COCH: variants seen among roughly 807,000 people sequenced by gnomAD.
The protein encoded by COCH is cochlin.
In COCH, 40 loss-of-function variants were observed where a neutral mutation model predicts 54.8. That is an observed-to-expected ratio of 0.73 (90% CI 0.57 to 0.95). The LOEUF is 0.95. Ranked by LOEUF, COCH falls within the 40% of genes least tolerant of loss-of-function variation. COCH has a pLI of 0.00. For missense variants in COCH, 605 were observed against 675.0 expected (o/e 0.90, Z 1.15); for synonymous variants, 256 against 237.9 (o/e 1.08, Z -0.70).
At chr14:30,875,224 A>C (rs1015905793) in intron 3 of COCH, 121 bp downstream of exon 3, 7 of 1,362,820 alleles carry the variant, frequency 5.1e-6, no homozygotes, top group Non-Finnish European at 7.0e-6. Flanking sequence ...GAAGGCGCGA[A>C]GGTTGAGCCG....
At chr14:30,875,443 C>A in intron 3 of COCH, 1 of 584,764 alleles carries the variant, frequency 1.7e-6, no homozygotes, top group Non-Finnish European at 3.0e-6. Flanking sequence ...CCTTGAGCCT[C>A]ACCGAGGAGC....
rs1363132884 is a variant in COCH at position 30,880,451 on chromosome 14, G to A, written c.437-1G>A. The A allele has an allele frequency of 6.2e-7, 1 of 1,613,790 alleles. No individual in the cohort carries two copies. Among genetic ancestry groups the A allele is most frequent in the South Asian group, 1.1e-5 (1 of 91,012 alleles). On this transcript the variant is annotated splice_acceptor_variant, in intron 6 of 11. Transcript: ENST00000396618. LOFTEE classifies it high-confidence loss of function. The stretch of plus-strand genomic sequence containing the variant: ...AATGCCAAGTGCATCTTTTATTTCA[G>A]GTAAACGACTAAAGAAAACACCCGA...
At chr14:30,878,508 T>G (rs968979490) in intron 4 of COCH, among the ~76,000 whole-genome samples, 1 of 151,970 alleles carries the variant, frequency 6.6e-6, no homozygotes, top group Non-Finnish European at 1.5e-5. Flanking sequence ...AATACAAAAA[T>G]TAGCCAGGTA....
intron 10 of COCH, 28 bp from the exon 11 acceptor site, chr14:30,885,768 G>T (rs758676960): frequency 1.2e-6 from 2 of 1,612,808 alleles, no homozygotes; most frequent in East Asian, 4.5e-5. Context: ...GATCCTTTTG[G>T]ATATCTTTTA....
At chr14:30,895,537 T>A (rs200580815), downstream of COCH, 3 of 1,614,102 alleles carry the variant, frequency 1.9e-6, no homozygotes, top group East Asian at 4.5e-5. Flanking sequence ...CTTGCACACA[T>A]GTCTTGCTGT....
intron 6 of COCH, 123 bp downstream of exon 6, chr14:30,879,608 C>T: frequency 2.1e-6 from 2 of 946,854 alleles, no homozygotes; most frequent in Non-Finnish European, 3.4e-6. Context: ...AAAGCAAATA[C>T]CTTAAGTTTA....
At position 30,886,183 on chromosome 14, in the gene COCH, A is replaced by G. The variant is rs139503327; in HGVS notation, c.1348A>G (p.Ile450Val). Residue 450 changes from isoleucine (I) to valine (V), a missense_variant, in exon 11 of 12, where the codon ATT (isoleucine) becomes GTT (valine). Coordinates refer to ENST00000396618, the MANE Select transcript of COCH (RefSeq NM_004086.3). ...MSGGTATGDA[I>V]SFTVRNVFGP... is the part of the protein sequence containing the mutation. ...TGGTGGAACAGCTACTGGTGATGCC[A>G]TTTCCTTCACTGTTAGAAATGTGTT... The G allele has an allele frequency of 7.5e-4, 1,204 of 1,610,614 alleles. 3 individuals are homozygous for G. The highest frequency in any genetic ancestry group is 3.3e-3 in the Middle Eastern group (20 of 6,046).
At position 30,875,541 on chromosome 14, in the gene COCH, G is replaced by A. The variant is rs1242916407; in HGVS notation, c.82+438G>A. 3 of 500,622 alleles carry A rather than the reference G, an allele frequency of 6.0e-6. No individual in the cohort carries two copies. In the East Asian group the frequency reaches 9.5e-5, roughly 16 times the overall value. The allele number at this position is 500,622 out of a possible 1,614,324, so 31.0% of individuals were successfully genotyped here. A position where few individuals can be genotyped will look rare whatever the true frequency, so the allele number is the denominator to read the frequency against. ...GGTTGCCGTAGCCGAGAGAGAGGGA[G>A]GCGAACGTCGCTGTCCCACCTTGTT... is the stretch of plus-strand genomic sequence containing the variant. On this transcript the variant is annotated intron_variant, in intron 3 of 11. Transcript: ENST00000396618.
rs764050128 is a variant in COCH at position 30,877,590 on chromosome 14, G to A, written c.101G>A (p.Cys34Tyr). 2 of 1,614,188 alleles carry A rather than the reference G, an allele frequency of 1.2e-6. No homozygotes were observed. The highest frequency in any genetic ancestry group is 1.7e-5 in the Admixed American group (1 of 60,020). Residue 34 changes from cysteine (C) to tyrosine (Y), a missense_variant, in exon 4 of 12, where the codon TGT becomes TAT. Cys to Tyr is a radical substitution (Grantham distance 194). Coordinates refer to ENST00000396618, the MANE Select transcript of COCH (RefSeq NM_004086.3). The surrounding 1 kb of genome is among the most constrained non-coding windows in gnomAD (Gnocchi z 8.6). ...SEGAAPIAIT[C>Y]FTRGLDIRKE... is the part of the protein sequence containing the mutation. ...TCTTCAGCTCCCATTGCTATCACATGTTTTACCAGAGGCTTGGACATCAGG... is the reference window on the plus strand; with the variant it reads ...TCTTCAGCTCCCATTGCTATCACATATTTTACCAGAGGCTTGGACATCAGG...
At chr14:30,883,625 C>G (rs1895686530) in intron 8 of COCH, among the ~76,000 whole-genome samples, 1 of 152,114 alleles carries the variant, frequency 6.6e-6, no homozygotes, top group Non-Finnish European at 1.5e-5. Flanking sequence ...ACTTCTCCCT[C>G]AAAAAATCTT....
chr14:30,890,638 T>C (rs1225161522), downstream of COCH: 1 of 929,590 alleles, frequency 1.1e-6, no homozygotes, highest in South Asian at 5.0e-5. Flanking sequence ...CTTTTATTAC[T>C]GCTAGTGTCT....
chr14:30,875,002 C>T (rs756268514), intron 2 of COCH, 30 bp downstream of exon 2: 11 of 1,613,004 alleles, frequency 6.8e-6, no homozygotes, highest in Admixed American at 3.3e-5. Flanking sequence ...GACCCCGGCC[C>T]CTTGCTCCGC....
At position 30,884,675 on chromosome 14, in the gene COCH, C is replaced by T; in HGVS notation, c.733+19C>T. On this transcript the variant is annotated intron_variant, in intron 9 of 11. Transcript: ENST00000396618. The stretch of plus-strand genomic sequence containing the variant: ...AATACAGGTAAGTAGACTTTGATAC[C>T]TGGGATGTAACATAGGAGAGGGTTA... The T allele has an allele frequency of 2.0e-6, 3 of 1,531,416 alleles. 1 individual carries two copies. The highest frequency in any genetic ancestry group is 2.2e-5 in the South Asian group (2 of 89,380). 94.9% of individuals were successfully genotyped at this position (1,531,416 alleles called of 1,614,324 possible). A position where few individuals can be genotyped will look rare whatever the true frequency, so the allele number is the denominator to read the frequency against.
chr14:30,876,967 TA>T (rs998339114), intron 3 of COCH, among the ~76,000 whole-genome samples: 7 of 151,930 alleles, frequency 4.6e-5, no homozygotes, highest in Admixed American at 1.3e-4. Flanking sequence ...TGTGGCCATT[TA>T]AAAAAAATTT....
In COCH at chr14:30,886,050, G is replaced by C; in HGVS notation, c.1215G>C (p.Lys405Asn). Reference protein sequence around the residue: ...KTFEISDIGAKIAAVQFTYDQ... With the variant: ...KTFEISDIGANIAAVQFTYDQ... ...TTGAAATCTCGGACATTGGTGCCAAGATAGCTGCTGTACAGTTTACTTATG... is the reference window on the plus strand; with the variant it reads ...TTGAAATCTCGGACATTGGTGCCAACATAGCTGCTGTACAGTTTACTTATG... Residue 405 changes from lysine to asparagine, a missense_variant, in exon 11 of 12, where the codon AAG becomes AAC. By Grantham distance (94) the Lys-to-Asn change is moderately conservative. Transcript: ENST00000396618. The C allele has an allele frequency of 6.2e-7, 1 of 1,614,250 alleles. No homozygotes were observed. The highest frequency in any genetic ancestry group is 8.5e-7 in the Non-Finnish European group (1 of 1,180,044).
At chr14:30,891,320 T>G (rs981558971), downstream of COCH, among the ~76,000 whole-genome samples, 12 of 152,124 alleles carry the variant, frequency 7.9e-5, no homozygotes, top group African/African-American at 2.9e-4. Flanking sequence ...TGTCTGTCTT[T>G]TCTAAAGATA....
downstream of COCH, among the ~76,000 whole-genome samples, chr14:30,893,404 G>A (rs574387637): frequency 7.9e-5 from 12 of 151,794 alleles, no homozygotes; most frequent in Non-Finnish European, 1.0e-4. Context: ...CACCCACCTC[G>A]GCCTCCCAAA....
chr14:30,894,669 C>A (rs1024686364), downstream of COCH: 1 of 160,464 alleles, frequency 6.2e-6, no homozygotes, highest in African/African-American at 2.4e-5. Context: ...TATGGAAGGA[C>A]TTAGCTGAGC....
chr14:30,881,777 G>A (rs182252151), intron 8 of COCH, among the ~76,000 whole-genome samples: 57 of 151,472 alleles, frequency 3.8e-4, no homozygotes, highest in African/African-American at 1.3e-3. Context: ...GCTAACACGG[G>A]GAAACCCCGT....
Sources: gnomAD v4.1 joint callset for allele counts (sites outside exome capture counted in the v4.1 genomes callset) on GRCh38, gnomAD v4.1.1 for gene constraint, Gnocchi (gnomAD v3.1) non-coding constraint, MANE v1.5 for transcripts, NCBI Gene and HGNC (gene_info 2026-07-23, HGNC 2026-07-21) for gene names.